The following SDK1 variants were observed in gnomAD, a reference collection of about 807,000 sequenced individuals.
SDK1 encodes sidekick cell adhesion molecule 1.
A neutral mutation model predicts 245.5 loss-of-function variants in SDK1; 157 were observed. The observed-to-expected ratio is 0.64, with a 90% confidence interval of 0.56 to 0.73. The LOEUF (loss-of-function observed/expected upper bound fraction) is 0.73. Among genes scored for constraint, SDK1 ranks in the 30% least tolerant of loss-of-function variants. SDK1 has a pLI of 0.00. For synonymous variants in SDK1, 1,647 were observed against 1,278.5 expected (o/e 1.29, Z -6.15); for missense variants, 3,583 against 3,002.3 (o/e 1.19, Z -4.52).
At chr7:4,234,016 G>A (rs1191379832) in intron 41 of SDK1, among the ~76,000 whole-genome samples, 1 of 152,208 alleles carries the variant, frequency 6.6e-6, no homozygotes, top group African/African-American at 2.4e-5. Context: ...CCGATCCCCT[G>A]TGTTAGCTGA....
At chr7:3,959,091 C>G (rs187731260) in intron 8 of SDK1, 77 bp downstream of exon 8, 2 of 1,116,746 alleles carry the variant, frequency 1.8e-6, no homozygotes, top group Non-Finnish European at 2.7e-6. Context: ...AGCAGAATTG[C>G]CATCATTCTA....
At chr7:3,548,619 G>C (rs1779305549) in intron 1 of SDK1, among the ~76,000 whole-genome samples, 2 of 152,258 alleles carry the variant, frequency 1.3e-5, no homozygotes, top group South Asian at 2.1e-4. Flanking sequence ...CTGTGTTTGA[G>C]GGCACCCAGG....
chr7:3,337,001 CAT>C (rs1419206345), intron 1 of SDK1, among the ~76,000 whole-genome samples: 2 of 152,024 alleles, frequency 1.3e-5, no homozygotes, highest in African/African-American at 2.4e-5. Flanking sequence ...ATATCAAAAA[CAT>C]ATAGGATACA....
At chr7:3,314,709 T>C (rs1040410150) in intron 1 of SDK1, among the ~76,000 whole-genome samples, 1 of 152,206 alleles carries the variant, frequency 6.6e-6, no homozygotes, top group Non-Finnish European at 1.5e-5. Flanking sequence ...GCATGAAATA[T>C]AAGTTGTGTT....
chr7:4,195,379 C>T (rs1320422180), intron 35 of SDK1, among the ~76,000 whole-genome samples: 1 of 151,970 alleles, frequency 6.6e-6, no homozygotes, highest in Non-Finnish European at 1.5e-5. Context: ...ACACTCTGCC[C>T]TGGCTGCTGC....
At chr7:3,542,988 C>T (rs1471656785) in intron 1 of SDK1, among the ~76,000 whole-genome samples, 1 of 152,156 alleles carries the variant, frequency 6.6e-6, no homozygotes, top group Non-Finnish European at 1.5e-5. Context: ...CCAAGAGCCT[C>T]TTTGGGGAGA....
chr7:3,810,420 C>T (rs955302009), intron 4 of SDK1, among the ~76,000 whole-genome samples: 3 of 151,958 alleles, frequency 2.0e-5, no homozygotes, highest in Non-Finnish European at 4.4e-5. Flanking sequence ...TCTGTAAAAA[C>T]TCCTCCTTCA....
intron 4 of SDK1, among the ~76,000 whole-genome samples, chr7:3,759,451 G>T (rs1253866173): frequency 1.3e-5 from 2 of 152,164 alleles, no homozygotes; most frequent in African/African-American, 4.8e-5. Context: ...TAAAGTATTA[G>T]TTAATGATGG....
intron 4 of SDK1, among the ~76,000 whole-genome samples, chr7:3,679,303 A>G (rs1335014410): frequency 6.6e-6 from 1 of 152,022 alleles, no homozygotes; most frequent in African/African-American, 2.4e-5. Flanking sequence ...GCGGTGGCTC[A>G]TGCCTGTAAT....
chr7:3,434,860 A>G (rs1779973467), intron 1 of SDK1, among the ~76,000 whole-genome samples: 1 of 152,184 alleles, frequency 6.6e-6, no homozygotes. Flanking sequence ...CATTGAGCCC[A>G]GAAAACTGAG....
chr7:3,720,212 T>C (rs1185770879), intron 4 of SDK1, among the ~76,000 whole-genome samples: 1 of 152,060 alleles, frequency 6.6e-6, no homozygotes, highest in Non-Finnish European at 1.5e-5. Context: ...GGCAAGATTG[T>C]GCCATTGCAC....
chr7:3,365,893 G>A (rs988280219), intron 1 of SDK1, among the ~76,000 whole-genome samples: 3 of 152,088 alleles, frequency 2.0e-5, no homozygotes, highest in Admixed American at 6.5e-5. Flanking sequence ...AAAAAAATTA[G>A]CTAGGCGTGG....
chr7:4,123,943 A>G (rs1330432253), intron 25 of SDK1, among the ~76,000 whole-genome samples: 1 of 152,202 alleles, frequency 6.6e-6, no homozygotes, highest in Non-Finnish European at 1.5e-5. Flanking sequence ...CAGGCATCCC[A>G]GGCCTTTGCT....
chr7:3,662,387 C>T (rs1022680450), intron 4 of SDK1, among the ~76,000 whole-genome samples: 1 of 152,192 alleles, frequency 6.6e-6, no homozygotes, highest in Non-Finnish European at 1.5e-5. Flanking sequence ...GCCAGGGACA[C>T]ATCTTTGCCT....
chr7:3,642,426 G>A (rs1332103464), intron 4 of SDK1, among the ~76,000 whole-genome samples: 1 of 152,062 alleles, frequency 6.6e-6, no homozygotes, highest in East Asian at 1.9e-4. Flanking sequence ...CCTGAGTTGG[G>A]TTTGCCTCCT....
At chr7:3,393,675 C>A (rs1053251769) in intron 1 of SDK1, among the ~76,000 whole-genome samples, 7 of 152,080 alleles carry the variant, frequency 4.6e-5, no homozygotes, top group African/African-American at 1.7e-4. Context: ...TTTTTCAACT[C>A]CAGAATTTCT....
At chr7:3,776,072 C>G (rs369303288) in intron 4 of SDK1, among the ~76,000 whole-genome samples, 24 of 152,196 alleles carry the variant, frequency 1.6e-4, no homozygotes, top group Admixed American at 7.2e-4. Context: ...TACCACGCAT[C>G]AAAGTGCCAG....
chr7:3,652,386 G>A (rs557094056), intron 4 of SDK1, among the ~76,000 whole-genome samples: 183 of 152,346 alleles, frequency 1.2e-3, no homozygotes, highest in African/African-American at 4.3e-3. Flanking sequence ...ACAAGCCTGG[G>A]AAGGAGGGCC....
At chr7:3,683,740 C>G (rs965384908) in intron 4 of SDK1, among the ~76,000 whole-genome samples, 1 of 152,168 alleles carries the variant, frequency 6.6e-6, no homozygotes, top group Non-Finnish European at 1.5e-5. Flanking sequence ...TCTGAGTTTC[C>G]TTGTTGCCTT....
Sources: gnomAD v4.1 joint callset for allele counts (sites outside exome capture counted in the v4.1 genomes callset) on GRCh38, gnomAD v4.1.1 for gene constraint, MANE v1.5 for transcripts, NCBI Gene and HGNC (gene_info 2026-07-23, HGNC 2026-07-21) for gene names.